MIGA1: variants seen among roughly 807,000 people sequenced by gnomAD.
MIGA1 encodes the protein family with sequence similarity 73, member A.
In MIGA1, 58 loss-of-function variants were observed where a neutral mutation model predicts 82.0. That is an observed-to-expected ratio of 0.71 (90% CI 0.57 to 0.88). The LOEUF is 0.88. MIGA1 is among the 40% of genes least tolerant of loss of function. The pLI, the probability that MIGA1 is intolerant of heterozygous loss-of-function variation, is 0.00. For missense variants in MIGA1, 751 were observed against 749.1 expected (o/e 1.00, Z -0.03); for synonymous variants, 249 against 253.6 (o/e 0.98, Z 0.17).
rs992995776 is a variant in MIGA1 at position 77,843,355 on chromosome 1, T to C, written c.944T>C (p.Leu315Pro). 3.7e-6 allele frequency: 6 copies of C among 1,613,962 alleles called. No individual in the cohort carries two copies. The African/African-American group carries it at 4.0e-5, about 11-fold the overall frequency. ...AAGGGTAATGTGGAAGACTTTGGCC[T>C]GCGAGACACCTTGAGCATCGCATCC... is the stretch of plus-strand genomic sequence containing the variant. Residue 315 changes from leucine (L) to proline (P), a missense_variant, in exon 8 of 16, where the codon CTG becomes CCG. By Grantham distance (98) the Leu-to-Pro change is moderately conservative. Coordinates refer to ENST00000370791, the MANE Select transcript of MIGA1 (RefSeq NM_198549.4).
intron 8 of MIGA1, chr1:77,847,411 A>T (rs1684885069): frequency 7.3e-7 from 1 of 1,364,040 alleles, no homozygotes; most frequent in Admixed American, 1.7e-5. Context: ...TGAAAGCCCA[A>T]GTATATTCAC....
chr1:77,787,823 T>C (rs1341625668), intron 2 of MIGA1, among the ~76,000 whole-genome samples: 1 of 150,902 alleles, frequency 6.6e-6, no homozygotes, highest in African/African-American at 2.4e-5. Flanking sequence ...CTTTTCTTTT[T>C]TTTTTTTTTT....
intron 7 of MIGA1, among the ~76,000 whole-genome samples, chr1:77,817,616 C>A (rs1305168937): frequency 6.6e-6 from 1 of 152,164 alleles, no homozygotes; most frequent in African/African-American, 2.4e-5. Context: ...CATTTTTGAA[C>A]TTCTGGATCA....
chr1:77,787,722 G>A lies in MIGA1; in HGVS notation c.195+4371G>A, dbSNP rs114155831. 2.0e-3 allele frequency among the ~76,000 whole-genome samples: 302 copies of A among 151,938 alleles called. 2 individuals are homozygous for A. The highest frequency in any genetic ancestry group is 7.2e-3 in the African/African-American group (298 of 41,456). On this transcript the variant is annotated intron_variant, in intron 2 of 15. Transcript: ENST00000370791. ...CCATTTTTGAAATTGTTTTGTTCTC[G>A]TGGAGTTTTAGTTCTCTGTATAGTC...
intron 7 of MIGA1, among the ~76,000 whole-genome samples, chr1:77,821,054 A>G (rs532776995): frequency 1.2e-4 from 19 of 152,216 alleles, no homozygotes; most frequent in Admixed American, 5.2e-4. Context: ...GAATCACCTG[A>G]AGCTGGGAGG....
chr1:77,834,821 T>A (rs1684368935), intron 7 of MIGA1, among the ~76,000 whole-genome samples: 1 of 152,228 alleles, frequency 6.6e-6, no homozygotes. Context: ...AGCTTTTCCA[T>A]TGTTAATAAA....
chr1:77,833,730 C>T (rs1192201916), intron 7 of MIGA1, among the ~76,000 whole-genome samples: 1 of 152,184 alleles, frequency 6.6e-6, no homozygotes, highest in Non-Finnish European at 1.5e-5. Flanking sequence ...TACAGAATGA[C>T]CAGTTGTACC....
In MIGA1 at chr1:77,779,655, C is replaced by T. The variant is rs1006804548; in HGVS notation, c.-1C>T. On this transcript the variant is annotated 5_prime_UTR_variant, in exon 1 of 16. Coordinates refer to ENST00000370791, the MANE Select transcript of MIGA1 (RefSeq NM_198549.4). ...GACCCCGGAAGGACTCCGCCTTCTC[C>T]ATGTCAGACTGCTGCTCAGCGCCAG... The T allele has an allele frequency of 1.3e-6, 2 of 1,578,444 alleles. No individual in the cohort carries two copies. The highest frequency in any genetic ancestry group is 2.3e-5 in the East Asian group (1 of 43,104).
In MIGA1 at chr1:77,870,733, G is replaced by A. The variant is rs1268537392; in HGVS notation, c.1564-2271G>A. Among the ~76,000 whole-genome samples the A allele has an allele frequency of 3.3e-4, 50 of 150,122 alleles. 1 individual carries two copies. Among genetic ancestry groups the A allele is most frequent in the African/African-American group, 1.1e-3 (45 of 41,230 alleles). On this transcript the variant is annotated intron_variant, in intron 14 of 15. Coordinates refer to ENST00000370791, the MANE Select transcript of MIGA1 (RefSeq NM_198549.4). ...GGCACTTTGGGGGGCCAAGGCAGGC[G>A]GCTGGGAGGTGGAGGTTGTAGCGAG...
At chr1:77,826,900 G>A (rs2101842550) in intron 7 of MIGA1, among the ~76,000 whole-genome samples, 1 of 151,810 alleles carries the variant, frequency 6.6e-6, no homozygotes, top group South Asian at 2.1e-4. Flanking sequence ...TGCCTCCTGG[G>A]TTCAAGTGAT....
chr1:77,852,843 A>G (rs1324302472), intron 8 of MIGA1, among the ~76,000 whole-genome samples: 1 of 152,170 alleles, frequency 6.6e-6, no homozygotes, highest in Non-Finnish European at 1.5e-5. Context: ...GGCATGTGCC[A>G]CCACACCTGG....
At chr1:77,818,436 T>C (rs1683664809) in intron 7 of MIGA1, among the ~76,000 whole-genome samples, 1 of 152,092 alleles carries the variant, frequency 6.6e-6, no homozygotes, top group Admixed American at 6.6e-5. Flanking sequence ...ATAATTTTCA[T>C]TCAGAATATA....
intron 2 of MIGA1, among the ~76,000 whole-genome samples, chr1:77,792,689 T>A (rs929334035): frequency 5.9e-5 from 9 of 152,204 alleles, no homozygotes; most frequent in African/African-American, 1.9e-4. Flanking sequence ...GTTGAACATC[T>A]TCTTGGGTTT....
intron 2 of MIGA1, among the ~76,000 whole-genome samples, chr1:77,788,827 G>A (rs1189790088): frequency 6.6e-6 from 1 of 152,120 alleles, no homozygotes; most frequent in Non-Finnish European, 1.5e-5. Context: ...AGTGAGTTTT[G>A]AAATTAGGAA....
intron 7 of MIGA1, among the ~76,000 whole-genome samples, chr1:77,826,402 C>T (rs1684028928): frequency 6.6e-6 from 1 of 152,112 alleles, no homozygotes; most frequent in Non-Finnish European, 1.5e-5. Flanking sequence ...TCATCTCTGA[C>T]CTTGTCATGC....
chr1:77,829,458 ATCT>A (rs1208046848), intron 7 of MIGA1, among the ~76,000 whole-genome samples: 1 of 151,926 alleles, frequency 6.6e-6, no homozygotes, highest in Non-Finnish European at 1.5e-5. Context: ...CCCTTAAAAA[ATCT>A]TCTAGAAGTT....
In MIGA1 at chr1:77,788,550, A is replaced by G. The variant is rs568948588; in HGVS notation, c.195+5199A>G. ...TTGTTGCCTGTGTCTTCATTGTCAT[A>G]TTTAAGAAGTCATTGCCAAATCCGA... On this transcript the variant is annotated intron_variant, in intron 2 of 15. Transcript: ENST00000370791. Among the ~76,000 whole-genome samples, 8 of 152,286 alleles carry G rather than the reference A, an allele frequency of 5.3e-5. No homozygotes were observed. The East Asian group carries it at 1.5e-3, about 29-fold the overall frequency.
chr1:77,873,682 G>T (rs1205449616), intron 15 of MIGA1, among the ~76,000 whole-genome samples: 1 of 152,152 alleles, frequency 6.6e-6, no homozygotes, highest in Non-Finnish European at 1.5e-5. Context: ...GACAAGGAAA[G>T]TCTCGCTATG....
chr1:77,824,820 A>G (rs961072702), intron 7 of MIGA1, among the ~76,000 whole-genome samples: 1 of 152,120 alleles, frequency 6.6e-6, no homozygotes, highest in African/African-American at 2.4e-5. Context: ...TTCCACCCAT[A>G]AAATATAACC....
Sources: gnomAD v4.1 joint callset for allele counts (sites outside exome capture counted in the v4.1 genomes callset) on GRCh38, gnomAD v4.1.1 for gene constraint, MANE v1.5 for transcripts, NCBI Gene and HGNC (gene_info 2026-07-23, HGNC 2026-07-21) for gene names.